ADAM20: variants seen among roughly 807,000 people sequenced by gnomAD.
ADAM20 encodes disintegrin and metalloproteinase domain-containing protein 20.
For missense variants in ADAM20, 871 were observed against 883.2 expected (o/e 0.99, Z 0.18); for synonymous variants, 305 against 310.2 (o/e 0.98, Z 0.18).
the ADAM20 span, among the ~76,000 whole-genome samples, chr14:70,563,392 G>C: frequency 1.2e-3 from 183 of 152,284 alleles, no homozygotes; most frequent in African/African-American, 4.2e-3. Flanking sequence ...TCTGGTGTTG[G>C]TTTACCCTCA....
At chr14:70,574,406 C>T in the ADAM20 span, among the ~76,000 whole-genome samples, 2 of 151,552 alleles carry the variant, frequency 1.3e-5, no homozygotes, top group East Asian at 3.9e-4. Context: ...TTTGGGAGGC[C>T]GAGGTGGGCA....
chr14:70,563,347 G>A, the ADAM20 span, among the ~76,000 whole-genome samples: 1 of 152,176 alleles, frequency 6.6e-6, no homozygotes, highest in African/African-American at 2.4e-5. Context: ...AAAAGTAGAT[G>A]TGTAGAGATG....
At chr14:70,532,694 A>T (rs981415659) in intron 1 of ADAM20, among the ~76,000 whole-genome samples, 1 of 152,216 alleles carries the variant, frequency 6.6e-6, no homozygotes, top group African/African-American at 2.4e-5. Context: ...GGCATTTTAC[A>T]TGATAAGGCC....
chr14:70,568,996 A>C, the ADAM20 span, among the ~76,000 whole-genome samples: 1 of 152,160 alleles, frequency 6.6e-6, no homozygotes, highest in African/African-American at 2.4e-5. Flanking sequence ...CCCAAGGTTA[A>C]TACAAAAAAA....
At chr14:70,549,066 T>A in the ADAM20 span, among the ~76,000 whole-genome samples, 1 of 10,406 alleles carries the variant, frequency 9.6e-5, no homozygotes, top group Non-Finnish European at 1.7e-4. Flanking sequence ...GCTTCATAAG[T>A]GAAGGAGAAA....
the ADAM20 span, among the ~76,000 whole-genome samples, chr14:70,546,176 T>C: frequency 3.9e-5 from 6 of 152,106 alleles, no homozygotes; most frequent in South Asian, 2.1e-4. Flanking sequence ...AAACACAACA[T>C]ACAAAAACCT....
chr14:70,567,438 T>C, the ADAM20 span, among the ~76,000 whole-genome samples: 1 of 152,164 alleles, frequency 6.6e-6, no homozygotes, highest in African/African-American at 2.4e-5. Context: ...CAGCACTGAT[T>C]GCTGAAGGAG....
At chr14:70,545,447 G>A in the ADAM20 span, among the ~76,000 whole-genome samples, 5 of 152,264 alleles carry the variant, frequency 3.3e-5, no homozygotes, top group Admixed American at 3.3e-4. Flanking sequence ...CAAAGAGGGA[G>A]CATCAACAAT....
chr14:70,522,867 G>T lies in ADAM20; in HGVS notation c.1891C>A (p.Leu631Met). ...IRKKCASMVHLSQACQPKTCN... is the reference protein window; with the variant it reads ...IRKKCASMVHMSQACQPKTCN... ...GTCTTAGGCTGACAGGCTTGTGACA[G>T]ATGAACCATACTGGCACACTTCTTA... The change falls in exon 2 of 2, where the codon CTG (leucine) becomes ATG (methionine). Residue 631 changes from leucine to methionine, a missense_variant. Coordinates refer to ENST00000256389, the MANE Select transcript of ADAM20 (RefSeq NM_003814.5). 1 of 1,614,080 alleles carries T rather than the reference G, an allele frequency of 6.2e-7. No individual in the cohort carries two copies.
At chr14:70,568,857 A>G in the ADAM20 span, among the ~76,000 whole-genome samples, 1 of 152,170 alleles carries the variant, frequency 6.6e-6, no homozygotes, top group South Asian at 2.1e-4. Context: ...ACAAAGAAAA[A>G]GCAAGCAAAT....
the ADAM20 span, among the ~76,000 whole-genome samples, chr14:70,573,454 G>A: frequency 6.6e-6 from 1 of 152,306 alleles, no homozygotes; most frequent in East Asian, 1.9e-4. Context: ...ATGGGAAAGA[G>A]TTGGAAAAAC....
the ADAM20 span, among the ~76,000 whole-genome samples, chr14:70,570,563 T>C: frequency 1.3e-5 from 2 of 152,070 alleles, no homozygotes; most frequent in East Asian, 1.9e-4. Flanking sequence ...CCTCCAAAGA[T>C]TGAGCCAGAA....
chr14:70,536,585 C>T (rs1232364840), upstream of ADAM20, among the ~76,000 whole-genome samples: 8 of 151,392 alleles, frequency 5.3e-5, no homozygotes, highest in South Asian at 2.1e-4. Context: ...GCAGGAGCAT[C>T]GCTGTCTTAT....
At chr14:70,556,563 C>A in the ADAM20 span, 1 of 152,290 alleles carries the variant, frequency 6.6e-6, no homozygotes, top group South Asian at 2.1e-4. Flanking sequence ...TGTTCGAACA[C>A]CAGATAAGAT....
chr14:70,561,805 G>A, the ADAM20 span, among the ~76,000 whole-genome samples: 2 of 152,262 alleles, frequency 1.3e-5, no homozygotes, highest in African/African-American at 4.8e-5. Flanking sequence ...GGATGCAGAA[G>A]GCAAGAGTTG....
At chr14:70,568,317 A>T in the ADAM20 span, among the ~76,000 whole-genome samples, 1 of 152,220 alleles carries the variant, frequency 6.6e-6, no homozygotes, top group Admixed American at 6.5e-5. Context: ...TAAATGAAAC[A>T]AAAAGATCAT....
the ADAM20 span, among the ~76,000 whole-genome samples, chr14:70,541,746 C>T: frequency 2.0e-5 from 3 of 151,964 alleles, no homozygotes; most frequent in Non-Finnish European, 4.4e-5. Context: ...GGTATGTGTT[C>T]CAAAGTTATG....
upstream of ADAM20, among the ~76,000 whole-genome samples, chr14:70,537,229 C>T (rs552014743): frequency 6.6e-6 from 1 of 152,240 alleles, no homozygotes; most frequent in South Asian, 2.1e-4. Flanking sequence ...GGACAACTAA[C>T]CTCAAGGGGA....
the ADAM20 span, among the ~76,000 whole-genome samples, chr14:70,562,052 A>G: frequency 6.6e-6 from 1 of 152,210 alleles, no homozygotes; most frequent in Non-Finnish European, 1.5e-5. Flanking sequence ...GGACAGCTTG[A>G]ACCGAGCACA....
Sources: allele counts gnomAD v4.1 joint callset (sites outside exome capture counted in the v4.1 genomes callset), GRCh38; gene constraint gnomAD v4.1.1; transcripts MANE v1.5; gene names NCBI Gene and HGNC (gene_info 2026-07-23, HGNC 2026-07-21).